The following POLH variants were observed in gnomAD, a reference collection of about 807,000 sequenced individuals.
POLH encodes DNA polymerase eta.
Under a neutral mutation model 73.6 loss-of-function variants are expected in POLH, and 53 were observed. That is an observed-to-expected ratio of 0.72 (90% CI 0.58 to 0.91). The LOEUF is 0.91. POLH is among the 40% of genes least tolerant of loss of function. The pLI, the probability that POLH is intolerant of heterozygous loss-of-function variation, is 0.00. For synonymous variants in POLH, 292 were observed against 308.5 expected (o/e 0.95, Z 0.56); for missense variants, 768 against 865.4 (o/e 0.89, Z 1.41).
Position 43,614,045 on chromosome 6 carries a change from C to A in POLH, c.1630C>A (p.Leu544Ile), listed in dbSNP as rs1394439744. The change falls in exon 11 of 11, where the codon CTT (leucine) becomes ATT (isoleucine). Residue 544 changes from leucine (L) to isoleucine (I), a missense_variant. By Grantham distance (5) the Leu-to-Ile change is conservative (BLOSUM62 2). Transcript: ENST00000372236. Reference protein sequence around the residue: ...QKSLLLKQKQLNNSSVSSPQQ... With the variant: ...QKSLLLKQKQINNSSVSSPQQ... The stretch of plus-strand genomic sequence containing the variant: ...AAGTCTGCTTCTAAAGCAGAAACAG[C>A]TTAATAATTCTTCAGTTTCTTCCCC... The A allele has an allele frequency of 6.8e-6, 11 of 1,614,090 alleles. No homozygotes were observed. The highest frequency in any genetic ancestry group is 8.5e-6 in the Non-Finnish European group (10 of 1,180,054).
chr6:43,614,032 A>C lies in POLH; in HGVS notation c.1617A>C (p.Leu539=), dbSNP rs1768157867. The change falls in exon 11 of 11, where the codon CTA becomes CTC. Residue 539 remains leucine (L), a synonymous_variant. Transcript: ENST00000372236. ...EPFFKQKSLL[L]KQKQLNNSSV... ...TCTTTAAGCAGAAAAGTCTGCTTCT[A>C]AAGCAGAAACAGCTTAATAATTCTT... The C allele has an allele frequency of 6.2e-7, 1 of 1,614,050 alleles. No homozygotes were observed. Among genetic ancestry groups the C allele is most frequent in the Non-Finnish European group, 8.5e-7 (1 of 1,180,040 alleles).
chr6:43,581,816 C>T (rs1343709229), intron 1 of POLH, among the ~76,000 whole-genome samples: 3 of 151,154 alleles, frequency 2.0e-5, no homozygotes, highest in East Asian at 1.9e-4. Context: ...CCACCCGCGG[C>T]CACCATGGCC....
Position 43,585,997 on chromosome 6 carries a change from A to T in POLH, c.273-1275A>T, listed in dbSNP as rs187914397. Reference sequence around the variant, plus strand: ...CTCTTCCTAGTTCAAATAATGATTTAAAAAAAAAAAAAGTCAAGTATTTCT... The same window carrying T: ...CTCTTCCTAGTTCAAATAATGATTTTAAAAAAAAAAAAGTCAAGTATTTCT... On this transcript the variant is annotated intron_variant, in intron 3 of 10. Transcript: ENST00000372236. Among the ~76,000 whole-genome samples, 1,103 of 142,900 alleles carry T rather than the reference A, an allele frequency of 7.7e-3. 15 individuals are homozygous for T. The highest frequency in any genetic ancestry group is 0.027 in the African/African-American group (1,047 of 38,926). 93.7% of individuals were successfully genotyped at this position (142,900 alleles called of 152,430 possible). A position where few individuals can be genotyped will look rare whatever the true frequency, so the allele number is the denominator to read the frequency against.
At chr6:43,579,328 C>T (rs886215433) in intron 1 of POLH, among the ~76,000 whole-genome samples, 2 of 152,212 alleles carry the variant, frequency 1.3e-5, no homozygotes, top group African/African-American at 4.8e-5. Flanking sequence ...ACAGGCCTTG[C>T]TGGGTTTCCC....
chr6:43,589,050 A>G (rs1047892036), intron 4 of POLH, among the ~76,000 whole-genome samples: 5 of 151,222 alleles, frequency 3.3e-5, no homozygotes, highest in East Asian at 2.0e-4. Flanking sequence ...GTGTTAGCCA[A>G]GATGGTCTCG....
rs561760591 is a variant in POLH at position 43,618,284 on chromosome 6, T to C, written c.*3727T>C. ...AATTCTCCTGCCTCAGCTTCCCGAATAGCTGAGACTACAAGCGTGCACCAC... is the reference window on the plus strand; with the variant it reads ...AATTCTCCTGCCTCAGCTTCCCGAACAGCTGAGACTACAAGCGTGCACCAC... On this transcript the variant is annotated 3_prime_UTR_variant, in exon 11 of 11. Transcript: ENST00000372236. Among the ~76,000 whole-genome samples, 2 of 152,154 alleles carry C rather than the reference T, an allele frequency of 1.3e-5. No individual in the cohort carries two copies. The highest frequency in any genetic ancestry group is 4.1e-4 in the South Asian group (2 of 4,822).
In POLH at chr6:43,601,087, A is replaced by C; in HGVS notation, c.760A>C (p.Lys254Gln). The change falls in exon 6 of 11, where the codon AAA becomes CAA. Residue 254 changes from lysine (K) to glutamine (Q), a missense_variant. Lys to Gln is a moderately conservative substitution (Grantham distance 53). Coordinates refer to ENST00000372236, the MANE Select transcript of POLH (RefSeq NM_006502.3). ...PQLFSQMPIRKIRSLGGKLGA... is the reference protein window; with the variant it reads ...PQLFSQMPIRQIRSLGGKLGA... ...GCTCTTCAGCCAAATGCCCATTCGCAAAATGTAAGTATTCAGGCAGCATGT... is the reference window on the plus strand; with the variant it reads ...GCTCTTCAGCCAAATGCCCATTCGCCAAATGTAAGTATTCAGGCAGCATGT... 1 of 1,599,334 alleles carries C rather than the reference A, an allele frequency of 6.3e-7. No individual in the cohort carries two copies. The highest frequency in any genetic ancestry group is 8.6e-7 in the Non-Finnish European group (1 of 1,166,580).
At position 43,614,154 on chromosome 6, in the gene POLH, G is replaced by C. The variant is rs1253567055; in HGVS notation, c.1739G>C (p.Gly580Ala). Residue 580 changes from glycine to alanine, a missense_variant, in exon 11 of 11, where the codon GGG becomes GCG. Coordinates refer to ENST00000372236, the MANE Select transcript of POLH (RefSeq NM_006502.3). ...EYPGCVPVCE[G>A]VSKLEESSKA... is the part of the protein sequence containing the mutation. ...CCAGGGTGTGTCCCTGTTTGTGAAG[G>C]GGTGTCGAAGCTAGAAGAATCCTCT... is the stretch of plus-strand genomic sequence containing the variant. 3.1e-6 allele frequency: 5 copies of C among 1,614,044 alleles called. No individual in the cohort carries two copies. Among genetic ancestry groups the C allele is most frequent in the South Asian group, 1.1e-5 (1 of 91,086 alleles).
intron 1 of POLH, among the ~76,000 whole-genome samples, chr6:43,580,854 C>T (rs1283222576): frequency 6.8e-6 from 1 of 147,726 alleles, no homozygotes; most frequent in Admixed American, 6.7e-5. Context: ...CAGAGGCGCC[C>T]CTCACCTCCC....
intron 1 of POLH, among the ~76,000 whole-genome samples, chr6:43,581,269 G>C (rs1433381975): frequency 6.7e-6 from 1 of 149,084 alleles, no homozygotes; most frequent in Non-Finnish European, 1.5e-5. Flanking sequence ...CGGCGGGGCA[G>C]AGGCGCTCCC....
At chr6:43,582,242 G>T in intron 1 of POLH, 74 bp from the exon 2 acceptor site, 5 of 1,371,114 alleles carry the variant, frequency 3.6e-6, no homozygotes, top group Non-Finnish European at 5.2e-6. Flanking sequence ...ATCAGTGAAA[G>T]AATGGAATTA....
intron 1 of POLH, among the ~76,000 whole-genome samples, chr6:43,580,840 C>T (rs1403941916): frequency 0.02 from 2,161 of 107,984 alleles, no homozygotes; most frequent in African/African-American, 0.026. Flanking sequence ...TAGGGGCGGC[C>T]GGGCAGAGGC....
chr6:43,583,441 C>A (rs910385849), intron 3 of POLH, among the ~76,000 whole-genome samples: 22 of 152,108 alleles, frequency 1.4e-4, no homozygotes, highest in Non-Finnish European at 2.9e-4. Context: ...ATCCAAAAAT[C>A]TAAAGTATTT....
In POLH at chr6:43,613,739, A is replaced by G; in HGVS notation, c.1324A>G (p.Ser442Gly). 6.2e-7 allele frequency: 1 copy of G among 1,613,620 alleles called. No individual in the cohort carries two copies. The highest frequency in any genetic ancestry group is 8.5e-7 in the Non-Finnish European group (1 of 1,179,894). ...CCCTTCATCTTCTACAGACATCACC[A>G]GCTTCTTGAGCAGTGACCCAAGTTC... ...SAPSSSTDIT[S>G]FLSSDPSSLP... is the part of the protein sequence containing the mutation. The change falls in exon 11 of 11, where the codon AGC (serine) becomes GGC (glycine). Residue 442 changes from serine to glycine, a missense_variant. Coordinates refer to ENST00000372236, the MANE Select transcript of POLH (RefSeq NM_006502.3).
intron 4 of POLH, among the ~76,000 whole-genome samples, chr6:43,595,121 A>G (rs1333379894): frequency 6.6e-6 from 1 of 151,494 alleles, no homozygotes; most frequent in Non-Finnish European, 1.5e-5. Flanking sequence ...GCTTGAGCTC[A>G]GGAGGCAGAG....
At position 43,617,999 on chromosome 6, in the gene POLH, A is replaced by C. The variant is rs1768461504; in HGVS notation, c.*3442A>C. On this transcript the variant is annotated 3_prime_UTR_variant, in exon 11 of 11. Transcript: ENST00000372236. ...ATACTAATGACCAGGTGTGTAGAGG[A>C]CATTTTCTTAAGCCCTTAAGTACAA... 6.6e-6 allele frequency among the ~76,000 whole-genome samples: 1 copy of C among 152,106 alleles called. No homozygotes were observed. Among genetic ancestry groups the C allele is most frequent in the Admixed American group, 6.6e-5 (1 of 15,252 alleles).
At chr6:43,611,262 G>T (rs1476176797) in intron 10 of POLH, among the ~76,000 whole-genome samples, 1 of 152,208 alleles carries the variant, frequency 6.6e-6, no homozygotes, top group Admixed American at 6.5e-5. Flanking sequence ...ATGACCAGTT[G>T]CACTTGGAGA....
chr6:43,577,186 A>G (rs2127764091), intron 1 of POLH, among the ~76,000 whole-genome samples: 1 of 152,356 alleles, frequency 6.6e-6, no homozygotes, highest in East Asian at 1.9e-4. Context: ...TCAAAAATAA[A>G]TAAATAAAGC....
chr6:43,586,834 T>A (rs1287001810), intron 3 of POLH, among the ~76,000 whole-genome samples: 1 of 152,242 alleles, frequency 6.6e-6, no homozygotes, highest in Non-Finnish European at 1.5e-5. Flanking sequence ...CCATATACTC[T>A]GGTTCACTGA....
Sources: gnomAD v4.1 joint callset for allele counts (sites outside exome capture counted in the v4.1 genomes callset) on GRCh38, gnomAD v4.1.1 for gene constraint, MANE v1.5 for transcripts, NCBI Gene and HGNC (gene_info 2026-07-23, HGNC 2026-07-21) for gene names.